The following SOX5 variants were observed in gnomAD, a reference collection of about 807,000 sequenced individuals.
The protein encoded by SOX5 is SRY-box transcription factor 5, also known as transcription factor SOX-5.
SOX5 carries 9 observed loss-of-function variants against 92.0 expected under a neutral mutation model. The observed-to-expected ratio is 0.10, with a 90% CI of 0.06 to 0.17. The LOEUF (loss-of-function observed/expected upper bound fraction) is 0.17, where lower values mean the gene tolerates loss of function less well. Ranked by LOEUF, SOX5 falls within the 10% of genes least tolerant of loss-of-function variation. SOX5 has a pLI of 1.00. For synonymous variants in SOX5, 344 were observed against 336.3 expected (o/e 1.02, Z -0.25); for missense variants, 642 against 944.5 (o/e 0.68, Z 4.20).
chr12:24,239,042 T>C (rs774112752), intron 3 of SOX5, among the ~76,000 whole-genome samples: 1 of 152,174 alleles, frequency 6.6e-6, no homozygotes, highest in Non-Finnish European at 1.5e-5. Context: ...TTAACTACAA[T>C]AGAAATACCA....
intron 6 of SOX5, among the ~76,000 whole-genome samples, chr12:23,712,882 C>T (rs2092175591): frequency 6.6e-6 from 1 of 152,196 alleles, no homozygotes; most frequent in South Asian, 2.1e-4. Flanking sequence ...TACTTTCTCA[C>T]AGACACAAGA....
At chr12:23,608,115 G>GAAAAAA (rs772255622) in intron 8 of SOX5, among the ~76,000 whole-genome samples, 27 of 44,086 alleles carry the variant, frequency 6.1e-4, no homozygotes, top group South Asian at 1.2e-3. Flanking sequence ...AAAGAAAAAA[G>GAAAAAA]AAAAAAAAAA....
chr12:23,936,731 A>T (rs1942644935), intron 1 of SOX5, among the ~76,000 whole-genome samples: 1 of 151,076 alleles, frequency 6.6e-6, no homozygotes, highest in Non-Finnish European at 1.5e-5. Flanking sequence ...AGTCATATTT[A>T]ACAAGTTTTT....
At chr12:23,796,407 T>A (rs1254342515) in intron 3 of SOX5, among the ~76,000 whole-genome samples, 16 of 152,120 alleles carry the variant, frequency 1.1e-4, no homozygotes, top group Non-Finnish European at 2.9e-5. Flanking sequence ...AATGAGTAGT[T>A]TGAATTTCAT....
chr12:23,850,475 A>T (rs2096621478), intron 2 of SOX5, among the ~76,000 whole-genome samples: 2 of 17,414 alleles, frequency 1.1e-4, no homozygotes, highest in African/African-American at 1.0e-3. Flanking sequence ...ATAAAAAATA[A>T]AAAAAAAATC....
chr12:23,779,812 T>TACACACACAC (rs1381686254), intron 3 of SOX5, among the ~76,000 whole-genome samples: 2 of 74,626 alleles, frequency 2.7e-5, no homozygotes, highest in African/African-American at 1.4e-4. Context: ...TATATATATA[T>TACACACACAC]ATACACACAC....
chr12:23,730,155 A>G (rs2093336435), intron 6 of SOX5, among the ~76,000 whole-genome samples: 1 of 152,204 alleles, frequency 6.6e-6, no homozygotes, highest in African/African-American at 2.4e-5. Flanking sequence ...AATGTAAAAA[A>G]GAAAATAGGA....
intron 11 of SOX5, among the ~76,000 whole-genome samples, chr12:23,548,797 T>C (rs1591962349): frequency 6.6e-6 from 1 of 152,010 alleles, no homozygotes; most frequent in Non-Finnish European, 1.5e-5. Context: ...AAAGTAGATA[T>C]AAATTTATAT....
At chr12:23,701,862 C>G (rs2090677594) in intron 6 of SOX5, among the ~76,000 whole-genome samples, 2 of 152,038 alleles carry the variant, frequency 1.3e-5, no homozygotes, top group African/African-American at 2.4e-5. Context: ...TCTTCTATTT[C>G]TCTTTGTTAT....
At chr12:23,859,404 T>C (rs909440953) in intron 2 of SOX5, among the ~76,000 whole-genome samples, 2 of 152,204 alleles carry the variant, frequency 1.3e-5, no homozygotes, top group African/African-American at 4.8e-5. Flanking sequence ...TCTGGTCTCC[T>C]GCAGTGCCCT....
At chr12:24,493,596 G>A (rs558339452) in intron 1 of SOX5, among the ~76,000 whole-genome samples, 4 of 152,318 alleles carry the variant, frequency 2.6e-5, no homozygotes, top group Admixed American at 2.6e-4. Context: ...CGGGTGCGGT[G>A]GCTCACGCCT....
chr12:24,196,568 A>C (rs1231546654), intron 4 of SOX5, among the ~76,000 whole-genome samples: 5 of 152,164 alleles, frequency 3.3e-5, no homozygotes, highest in Non-Finnish European at 5.9e-5. Flanking sequence ...ACAGTCTTTA[A>C]CCAATCCATC....
chr12:23,591,379 A>G (rs1468955286), intron 9 of SOX5, among the ~76,000 whole-genome samples: 1 of 152,116 alleles, frequency 6.6e-6, no homozygotes, highest in Non-Finnish European at 1.5e-5. Flanking sequence ...TTAAAATTCA[A>G]TAAGATAGAA....
At chr12:24,121,351 CAT>C (rs985195491) in intron 4 of SOX5, among the ~76,000 whole-genome samples, 1 of 152,094 alleles carries the variant, frequency 6.6e-6, no homozygotes, top group Non-Finnish European at 1.5e-5. Flanking sequence ...TTTGTTATCA[CAT>C]GTCTGAACAG....
intron 4 of SOX5, among the ~76,000 whole-genome samples, chr12:24,186,230 G>C (rs1004765416): frequency 3.3e-5 from 5 of 152,158 alleles, no homozygotes; most frequent in Admixed American, 6.6e-5. Flanking sequence ...AATATTTAGA[G>C]AATTCTGAGT....
chr12:24,099,205 G>A (rs1362816949), intron 4 of SOX5, among the ~76,000 whole-genome samples: 2 of 152,110 alleles, frequency 1.3e-5, no homozygotes, highest in East Asian at 3.9e-4. Context: ...AAATATTCAG[G>A]CTGCATGTGA....
chr12:23,809,107 C>T (rs1186167432), intron 3 of SOX5, among the ~76,000 whole-genome samples: 2 of 152,002 alleles, frequency 1.3e-5, no homozygotes, highest in Admixed American at 1.3e-4. Context: ...TGGGAGACAT[C>T]CTTCTGATAT....
intron 3 of SOX5, among the ~76,000 whole-genome samples, chr12:24,250,130 C>A (rs1020021838): frequency 6.6e-6 from 1 of 152,188 alleles, no homozygotes. Context: ...TTCCCAAAAT[C>A]ACCTCTGGTT....
At chr12:23,564,971 T>A (rs1379633262) in intron 10 of SOX5, among the ~76,000 whole-genome samples, 1 of 152,204 alleles carries the variant, frequency 6.6e-6, no homozygotes, top group Non-Finnish European at 1.5e-5. Flanking sequence ...CTTCCCCTGT[T>A]AGTATGCGCA....
Sources: gnomAD v4.1 joint callset for allele counts (sites outside exome capture counted in the v4.1 genomes callset) on GRCh38, gnomAD v4.1.1 for gene constraint, MANE v1.5 for transcripts, NCBI Gene and HGNC (gene_info 2026-07-23, HGNC 2026-07-21) for gene names.